The following TSHZ3 variants were observed in gnomAD, a reference collection of about 807,000 sequenced individuals.
TSHZ3 encodes teashirt homolog 3.
TSHZ3 carries 10 observed loss-of-function variants against 64.5 expected under a neutral mutation model. That is an observed-to-expected ratio of 0.16 (90% confidence interval 0.10 to 0.26). The LOEUF is 0.26. TSHZ3 is among the 10% of genes least tolerant of loss of function. The pLI, the probability that TSHZ3 is intolerant of heterozygous loss-of-function variation, is 1.00. For synonymous variants in TSHZ3, 608 were observed against 593.1 expected, an observed-to-expected ratio of 1.03 and a Z score of -0.36; for missense variants, 1,242 against 1,421.7, an observed-to-expected ratio of 0.87 and a Z score of 2.03.
rs57983390 is a variant in TSHZ3, at chr19:31,275,429, C to CTTTTTTTTTTT, written c.*1107_*1117dup. ...ATGTTTAGGAAATACAGTACAAGTT[C>CTTTTTTTTTTT]TTTTTTTTTTTTTGTTCTTTTTTTT... On this transcript the variant is annotated 3_prime_UTR_variant, in exon 2 of 2. Transcript: ENST00000240587. The CTTTTTTTTTTT allele has an allele frequency of 1.4e-5, 2 of 144,240 alleles. No individual in the cohort carries two copies. The highest frequency in any genetic ancestry group is 3.0e-5 in the Non-Finnish European group (2 of 65,660). 8.9% of individuals were successfully genotyped at this position (144,240 alleles called of 1,614,324 possible).
At chr19:31,188,006 A>G (rs887127496) in intron 5 of TSHZ3, among the ~76,000 whole-genome samples, 8 of 152,110 alleles carry the variant, frequency 5.3e-5, no homozygotes, top group Non-Finnish European at 8.8e-5. Context: ...CGGAGATAGA[A>G]TATTACAGCA....
At chr19:31,165,579 T>G (rs10408741) in intron 5 of TSHZ3, among the ~76,000 whole-genome samples, 106,932 of 151,828 alleles carry the variant, frequency 0.7, 37,870 homozygotes, top group African/African-American at 0.73. Context: ...AAGACCCGAG[T>G]GCAGCTCACC....
intron 1 of TSHZ3, among the ~76,000 whole-genome samples, chr19:31,282,069 C>G (rs775121382): frequency 6.6e-6 from 1 of 152,174 alleles, no homozygotes; most frequent in Non-Finnish European, 1.5e-5. Flanking sequence ...CGGGGAACAG[C>G]TGGAGCAGAG....
chr19:31,182,556 T>G (rs987051112), intron 5 of TSHZ3, among the ~76,000 whole-genome samples: 1 of 151,988 alleles, frequency 6.6e-6, no homozygotes, highest in Admixed American at 6.5e-5. Context: ...CCCAAGAACC[T>G]CATTCCAAGT....
chr19:31,279,183 A>T lies in TSHZ3; in HGVS notation c.610T>A (p.Tyr204Asn). Reference protein sequence around the residue: ...VQLYRQSSKLYGSIFTGASKF... With the variant: ...VQLYRQSSKLNGSIFTGASKF... ...CTGGCCCCCGTGAAGATGGAGCCAT[A>T]GAGCTTGCTGCTCTGCCGGTACAGC... The change falls in exon 2 of 2, where the codon TAT (tyrosine) becomes AAT (asparagine). Residue 204 changes from tyrosine to asparagine, a missense_variant. Physicochemically the swap from Tyr to Asn is moderately radical, Grantham distance 143. Coordinates refer to ENST00000240587, the MANE Select transcript of TSHZ3 (RefSeq NM_020856.4). This position sits in a 1 kb window ranked among gnomAD's most constrained non-coding sequence, Gnocchi z 6.4. The T allele has an allele frequency of 6.2e-7, 1 of 1,613,770 alleles. No individual in the cohort carries two copies. Among genetic ancestry groups the T allele is most frequent in the Non-Finnish European group, 8.5e-7 (1 of 1,179,716 alleles).
chr19:31,337,744 C>CACACACACACACACACAT (rs1428931871), intron 1 of TSHZ3, among the ~76,000 whole-genome samples: 33 of 152,112 alleles, frequency 2.2e-4, no homozygotes, highest in African/African-American at 7.7e-4. Context: ...CACACACACA[C>CACACACACACACACACAT]ACACACACAA....
intron 1 of TSHZ3, among the ~76,000 whole-genome samples, chr19:31,299,699 G>A (rs1224935379): frequency 1.3e-5 from 2 of 152,066 alleles, no homozygotes; most frequent in East Asian, 1.9e-4. Context: ...GGGCTCAAAC[G>A]CTGCCTTACA....
At chr19:31,343,216 A>G (rs761754060) in intron 1 of TSHZ3, among the ~76,000 whole-genome samples, 10 of 152,216 alleles carry the variant, frequency 6.6e-5, no homozygotes, top group Non-Finnish European at 1.2e-4. Context: ...ATGTGTCCTG[A>G]CAGTATGAAT....
In TSHZ3 at chr19:31,337,408, T is replaced by TAAAA. The variant is rs1917281628; in HGVS notation, c.40+11768_40+11771dup. ...TTAATAGCAAAGTTTTTCTAATCAG[T>TAAAA]AAAAATGGGATGATGGCATTTGTAT... On this transcript the variant is annotated intron_variant, in intron 1 of 1. Transcript: ENST00000240587. Among the ~76,000 whole-genome samples the TAAAA allele has an allele frequency of 2.0e-5, 3 of 152,208 alleles. No homozygotes were observed. In the South Asian group the frequency reaches 6.2e-4, roughly 31 times the overall value.
In TSHZ3 at chr19:31,349,243, T is replaced by TGCCGCC. The variant is rs761271037; in HGVS notation, c.-30_-25dup. 43 of 1,470,498 alleles carry TGCCGCC rather than the reference T, an allele frequency of 2.9e-5. No homozygotes were observed. The highest frequency in any genetic ancestry group is 5.8e-5 in the African/African-American group (4 of 69,414). The allele number at this position is 1,470,498 out of a possible 1,614,324, so 91.1% of individuals were successfully genotyped here. On this transcript the variant is annotated 5_prime_UTR_variant, in exon 1 of 2. Transcript: ENST00000240587. ...ATGATGCTTCTCCGGCGACTGCCAC[T>TGCCGCC]GCCGCCGCCGCCGCCGCTGCCGGGC...
At chr19:31,166,860 T>C (rs114227695) in intron 5 of TSHZ3, among the ~76,000 whole-genome samples, 5 of 152,176 alleles carry the variant, frequency 3.3e-5, no homozygotes, top group Non-Finnish European at 5.9e-5. Flanking sequence ...TCAACACAAA[T>C]ATACTTGAGA....
At chr19:31,241,754 G>A (rs1975692650) in intron 3 of TSHZ3, among the ~76,000 whole-genome samples, 1 of 152,176 alleles carries the variant, frequency 6.6e-6, no homozygotes, top group African/African-American at 2.4e-5. Context: ...ACCCCGGCAG[G>A]GGACTGAATG....
chr19:31,319,667 T>C (rs1031396543), intron 1 of TSHZ3, among the ~76,000 whole-genome samples: 1 of 152,120 alleles, frequency 6.6e-6, no homozygotes. Context: ...AGAAAGTTTC[T>C]ACTAGAACAC....
intron 1 of TSHZ3, among the ~76,000 whole-genome samples, chr19:31,332,202 A>G (rs1917116906): frequency 6.6e-6 from 1 of 152,102 alleles, no homozygotes; most frequent in African/African-American, 2.4e-5. Context: ...ATCATCATAA[A>G]CTTTATTATT....
chr19:31,349,322 C>T lies in TSHZ3; in HGVS notation c.-103G>A, dbSNP rs908534481. ...CCCGCGGGGGGGCGAGGCGGGCCTG[C>T]TCTCAGCCTCCCCCCCGGAGAGCGG... On this transcript the variant is annotated 5_prime_UTR_variant, in exon 1 of 2. Transcript: ENST00000240587. 3 of 1,164,876 alleles carry T rather than the reference C, an allele frequency of 2.6e-6. No individual in the cohort carries two copies. Among genetic ancestry groups the T allele is most frequent in the Non-Finnish European group, 2.3e-6 (2 of 878,270 alleles). 72.2% of individuals were successfully genotyped at this position (1,164,876 alleles called of 1,614,324 possible).
At chr19:31,261,365 A>G (rs1253578950) in intron 1 of TSHZ3, among the ~76,000 whole-genome samples, 1 of 152,208 alleles carries the variant, frequency 6.6e-6, no homozygotes, top group Non-Finnish European at 1.5e-5. Flanking sequence ...TGTTTCCTGC[A>G]AAAGAGGAAG....
chr19:31,287,485 G>A (rs56987770), intron 1 of TSHZ3, among the ~76,000 whole-genome samples: 1,732 of 152,162 alleles, frequency 0.011, 26 homozygotes, highest in African/African-American at 0.039. Flanking sequence ...AAGAGGCAGG[G>A]AAAGGAGAAG....
chr19:31,308,061 T>C (rs1231074203), intron 1 of TSHZ3, among the ~76,000 whole-genome samples: 1 of 152,236 alleles, frequency 6.6e-6, no homozygotes, highest in East Asian at 1.9e-4. Flanking sequence ...ACGCAACTGT[T>C]TAGCTTTCTT....
chr19:31,274,373 G>A (rs10423293), downstream of TSHZ3, among the ~76,000 whole-genome samples: 49,836 of 151,882 alleles, frequency 0.33, 8,589 homozygotes, highest in African/African-American at 0.43. Context: ...CCATGGATGG[G>A]TTCAGTCTCC....
Sources: allele counts gnomAD v4.1 joint callset (sites outside exome capture counted in the v4.1 genomes callset), GRCh38; gene constraint gnomAD v4.1.1; non-coding constraint Gnocchi (gnomAD v3.1); transcripts MANE v1.5; gene names NCBI Gene and HGNC (gene_info 2026-07-23, HGNC 2026-07-21).